Variants in TMEFF2 observed in about 807,000 individuals in gnomAD.
The protein encoded by TMEFF2 is tomoregulin-2.
Under a neutral mutation model 53.8 loss-of-function variants are expected in TMEFF2, and 28 were observed. The ratio of observed to expected loss-of-function variants is 0.52; its 90% CI spans 0.39 to 0.71. The LOEUF (loss-of-function observed/expected upper bound fraction) is 0.71. Among genes scored for constraint, TMEFF2 ranks in the 30% least tolerant of loss-of-function variants. The pLI is 0.00. For synonymous variants in TMEFF2, 162 were observed against 166.3 expected, an observed-to-expected ratio of 0.97 and a Z score of 0.20; for missense variants, 353 against 455.2, an observed-to-expected ratio of 0.78 and a Z score of 2.04.
chr2:192,098,007 A>G (rs1688954021), intron 4 of TMEFF2, among the ~76,000 whole-genome samples: 1 of 151,800 alleles, frequency 6.6e-6, no homozygotes, highest in Non-Finnish European at 1.5e-5. Context: ...AATTTGCCAC[A>G]ATTAACCAAA....
chr2:192,119,322 C>A (rs1250438309), intron 4 of TMEFF2, among the ~76,000 whole-genome samples: 2 of 152,106 alleles, frequency 1.3e-5, no homozygotes, highest in Non-Finnish European at 2.9e-5. Context: ...AGTTAGTATT[C>A]TTTATCATTG....
rs903945635 is a variant in TMEFF2, at chr2:192,149,019, G to A, written c.439+30649C>T. Among the ~76,000 whole-genome samples the A allele has an allele frequency of 5.7e-4, 87 of 151,930 alleles. 1 individual carries two copies. Among genetic ancestry groups the A allele is most frequent in the Non-Finnish European group, 2.1e-4 (14 of 67,920 alleles). ...TGACAAGAAAACCACAAAGAGAGGC[G>A]AGAAGAAACAAGAGAATGGCTTATT... On this transcript the variant is annotated intron_variant, in intron 4 of 9. Transcript: ENST00000272771.
intron 4 of TMEFF2, among the ~76,000 whole-genome samples, chr2:192,089,764 T>A (rs1471113482): frequency 6.6e-6 from 1 of 152,184 alleles, no homozygotes; most frequent in Non-Finnish European, 1.5e-5. Context: ...TGTTTTCTCA[T>A]CTGTAAAATG....
chr2:192,049,199 C>T (rs1687702329), intron 5 of TMEFF2, among the ~76,000 whole-genome samples: 1 of 151,780 alleles, frequency 6.6e-6, no homozygotes, highest in South Asian at 2.1e-4. Context: ...CACTTATATA[C>T]ACACATAATT....
chr2:192,075,676 G>C (rs1323883753), intron 4 of TMEFF2, among the ~76,000 whole-genome samples: 1 of 151,782 alleles, frequency 6.6e-6, no homozygotes, highest in African/African-American at 2.4e-5. Context: ...ATGGGTATCT[G>C]AATAAATAGA....
intron 7 of TMEFF2, among the ~76,000 whole-genome samples, chr2:191,981,893 C>T (rs1685861703): frequency 6.6e-6 from 1 of 152,124 alleles, no homozygotes; most frequent in African/African-American, 2.4e-5. Flanking sequence ...TTTCGTAGGT[C>T]TTAGGTTGCT....
intron 4 of TMEFF2, among the ~76,000 whole-genome samples, chr2:192,156,760 C>T (rs915484192): frequency 1.3e-5 from 2 of 151,958 alleles, no homozygotes; most frequent in Non-Finnish European, 2.9e-5. Context: ...GTCTCTCTCA[C>T]CTGTAAGCCA....
intron 7 of TMEFF2, among the ~76,000 whole-genome samples, chr2:191,982,022 A>G (rs1685864258): frequency 6.6e-6 from 1 of 152,142 alleles, no homozygotes; most frequent in African/African-American, 2.4e-5. Flanking sequence ...AATCACTGGT[A>G]CTTTTCTAGG....
At position 192,002,228 on chromosome 2, in the gene TMEFF2, T is replaced by C. The variant is rs531733713; in HGVS notation, c.537-3020A>G. Among the ~76,000 whole-genome samples, 11 of 152,210 alleles carry C rather than the reference T, an allele frequency of 7.2e-5. No homozygotes were observed. The South Asian group carries it at 2.1e-3, about 29-fold the overall frequency. On this transcript the variant is annotated intron_variant, in intron 5 of 9. Coordinates refer to ENST00000272771, the MANE Select transcript of TMEFF2 (RefSeq NM_016192.4). ...CTAAGAAACAGGTATAGATGGTTGA[T>C]GTTTTTATTCTCAGCCCAAGAGGAG...
rs563376650 is a variant in TMEFF2, at chr2:192,062,636, T to C, written c.440-4861A>G. Among the ~76,000 whole-genome samples, 35 of 152,282 alleles carry C rather than the reference T, an allele frequency of 2.3e-4. 1 individual carries two copies. In the South Asian group the frequency reaches 7.0e-3, roughly 31 times the overall value. ...ATATATTTTGGGTACAAATCTGTTGTCAGATATATGTGTTGCAATATTTTT... is the reference window on the plus strand; with the variant it reads ...ATATATTTTGGGTACAAATCTGTTGCCAGATATATGTGTTGCAATATTTTT... On this transcript the variant is annotated intron_variant, in intron 4 of 9. Coordinates refer to ENST00000272771, the MANE Select transcript of TMEFF2 (RefSeq NM_016192.4).
At chr2:192,147,301 C>T (rs547567816) in intron 4 of TMEFF2, among the ~76,000 whole-genome samples, 3 of 151,734 alleles carry the variant, frequency 2.0e-5, no homozygotes, top group South Asian at 4.2e-4. Context: ...ATAAACAATA[C>T]ACTTCAGTTA....
intron 5 of TMEFF2, among the ~76,000 whole-genome samples, chr2:192,032,891 C>T (rs537392108): frequency 6.6e-6 from 1 of 152,202 alleles, no homozygotes; most frequent in African/African-American, 2.4e-5. Flanking sequence ...ATAAATAAAC[C>T]TGTTGTTTTT....
intron 5 of TMEFF2, among the ~76,000 whole-genome samples, chr2:192,046,052 A>G (rs1687612613): frequency 6.6e-6 from 1 of 152,182 alleles, no homozygotes; most frequent in Admixed American, 6.5e-5. Context: ...GTTTCCTGCC[A>G]TCCTATAGCT....
chr2:192,194,710 G>C lies in TMEFF2; in HGVS notation c.-186C>G, dbSNP rs1691564370. On this transcript the variant is annotated 5_prime_UTR_variant, in exon 1 of 10. Coordinates refer to ENST00000272771, the MANE Select transcript of TMEFF2 (RefSeq NM_016192.4). This position sits in a 1 kb window ranked among gnomAD's most constrained non-coding sequence, Gnocchi z 4.2. ...ATCTCGAGAGTTTCAGCAACATCCA[G>C]GGACTGGGCTCAGCCCCGGAGCGAG... 1 of 635,344 alleles carries C rather than the reference G, an allele frequency of 1.6e-6. No individual in the cohort carries two copies. Among genetic ancestry groups the C allele is most frequent in the Non-Finnish European group, 2.7e-6 (1 of 366,676 alleles). The allele number at this position is 635,344 out of a possible 1,614,324, so 39.4% of individuals were successfully genotyped here.
chr2:191,957,252 A>T (rs1281723835), intron 7 of TMEFF2, among the ~76,000 whole-genome samples: 1 of 152,012 alleles, frequency 6.6e-6, no homozygotes, highest in East Asian at 1.9e-4. Flanking sequence ...GAGTCTTAAT[A>T]TGTTCATTTT....
At chr2:192,013,412 A>G (rs1686675612) in intron 5 of TMEFF2, among the ~76,000 whole-genome samples, 1 of 151,906 alleles carries the variant, frequency 6.6e-6, no homozygotes, top group Admixed American at 6.6e-5. Context: ...TGCCCTATCT[A>G]ACACAGCACC....
chr2:192,092,195 A>T, intron 4 of TMEFF2, among the ~76,000 whole-genome samples: 1 of 152,180 alleles, frequency 6.6e-6, no homozygotes, highest in African/African-American at 2.4e-5. Context: ...ATGAGTGGAA[A>T]AAAAATGGAA....
intron 4 of TMEFF2, among the ~76,000 whole-genome samples, chr2:192,064,253 A>G (rs953501270): frequency 2.0e-5 from 3 of 151,730 alleles, no homozygotes; most frequent in African/African-American, 7.2e-5. Context: ...AAATTATTCT[A>G]TTACTTCATG....
chr2:192,154,650 C>T (rs551936506), intron 4 of TMEFF2, among the ~76,000 whole-genome samples: 33 of 151,988 alleles, frequency 2.2e-4, no homozygotes, highest in African/African-American at 7.9e-4. Context: ...TAAAAGCTTC[C>T]ATAATGCTTA....
Sources: allele counts gnomAD v4.1 joint callset (sites outside exome capture counted in the v4.1 genomes callset), GRCh38; gene constraint gnomAD v4.1.1; non-coding constraint Gnocchi (gnomAD v3.1); transcripts MANE v1.5; gene names NCBI Gene and HGNC (gene_info 2026-07-23, HGNC 2026-07-21).